Variants in COQ5 observed in about 807,000 individuals in gnomAD.
COQ5 encodes 2-methoxy-6-polyprenyl-1,4-benzoquinol methylase, mitochondrial.
COQ5 carries 27 observed loss-of-function variants against 40.5 expected under a neutral mutation model. That is an observed-to-expected ratio of 0.67 (90% CI 0.49 to 0.92). The LOEUF is 0.92. Among genes scored for constraint, COQ5 ranks in the 40% least tolerant of loss-of-function variants. COQ5 has a pLI of 0.00. For missense variants in COQ5, 409 were observed against 406.4 expected (o/e 1.01, Z -0.06); for synonymous variants, 141 against 150.0 (o/e 0.94, Z 0.44).
At chr12:120,515,710 T>C (rs545538054) in intron 3 of COQ5, among the ~76,000 whole-genome samples, 7 of 152,104 alleles carry the variant, frequency 4.6e-5, no homozygotes, top group African/African-American at 1.7e-4. Context: ...GCCTACCCAA[T>C]AGGGACCTCC....
Position 120,521,128 on chromosome 12 carries a change from C to T in COQ5, c.352+1086G>A, listed in dbSNP as rs139541702. Among the ~76,000 whole-genome samples the T allele has an allele frequency of 3.6e-4, 52 of 143,468 alleles. No individual in the cohort carries two copies. In the South Asian group the frequency reaches 6.5e-3, roughly 18 times the overall value. 94.1% of individuals were successfully genotyped at this position (143,468 alleles called of 152,430 possible). Reference sequence around the variant, plus strand: ...TTGCCCAGGCTGGAGTGTAATGGTACGATCTCAGCTCACTGCAACCCTCCA... The same window carrying T: ...TTGCCCAGGCTGGAGTGTAATGGTATGATCTCAGCTCACTGCAACCCTCCA... On this transcript the variant is annotated intron_variant, in intron 2 of 6. Coordinates refer to ENST00000288532, the MANE Select transcript of COQ5 (RefSeq NM_032314.4).
At chr12:120,504,545 G>A (rs1868793876) in intron 5 of COQ5, 6 of 287,022 alleles carry the variant, frequency 2.1e-5, no homozygotes, top group Non-Finnish European at 2.5e-5. Flanking sequence ...ACTGCACTTG[G>A]CCCAAATTTC....
At position 120,510,134 on chromosome 12, in the gene COQ5, A is replaced by G; in HGVS notation, c.575-11T>C. The G allele has an allele frequency of 1.9e-6, 3 of 1,601,096 alleles. No individual in the cohort carries two copies. The highest frequency in any genetic ancestry group is 2.6e-6 in the Non-Finnish European group (3 of 1,168,176). Reference sequence around the variant, plus strand: ...ATACCCATGCAAGTCCTGAAAGAGAAAGTGAGTTCCGGGTCTCAGTGTGGG... The same window carrying G: ...ATACCCATGCAAGTCCTGAAAGAGAGAGTGAGTTCCGGGTCTCAGTGTGGG... On this transcript the variant is annotated splice_polypyrimidine_tract_variant and intron_variant, in intron 3 of 6. Transcript: ENST00000288532.
At chr12:120,515,328 G>T (rs149635016) in intron 3 of COQ5, among the ~76,000 whole-genome samples, 1 of 151,764 alleles carries the variant, frequency 6.6e-6, no homozygotes, top group Admixed American at 6.6e-5. Flanking sequence ...GGCTTCAAGC[G>T]ATCCTTCACC....
At chr12:120,519,809 G>C (rs1273556640) in intron 2 of COQ5, among the ~76,000 whole-genome samples, 3 of 149,548 alleles carry the variant, frequency 2.0e-5, no homozygotes, top group Non-Finnish European at 3.0e-5. Context: ...GGCAGAGGTT[G>C]CGGTGAGCCG....
chr12:120,518,847 C>G (rs1456679485), intron 2 of COQ5, among the ~76,000 whole-genome samples: 2 of 152,230 alleles, frequency 1.3e-5, no homozygotes, highest in African/African-American at 4.8e-5. Context: ...CAGGCGTGAG[C>G]CAACGTGCTC....
rs1255783517 is a variant in COQ5 at position 120,505,099 on chromosome 12, CTCT to C, written c.682-119_682-117del. 6 of 797,826 alleles carry C rather than the reference CTCT, an allele frequency of 7.5e-6. No homozygotes were observed. In the African/African-American group the frequency reaches 1.0e-4, roughly 14 times the overall value. The allele number at this position is 797,826 out of a possible 1,614,324, so 49.4% of individuals were successfully genotyped here. ...AAAAAAGTTATCATGGCCCACAAAC[CTCT>C]TGTTTGTTCTCACTTGGGAAGCTGT... On this transcript the variant is annotated intron_variant, in intron 4 of 6. Transcript: ENST00000288532.
At chr12:120,506,420 G>A (rs1489360155) in intron 4 of COQ5, among the ~76,000 whole-genome samples, 2 of 151,236 alleles carry the variant, frequency 1.3e-5, no homozygotes, top group African/African-American at 4.9e-5. Context: ...AGTCTGGAGT[G>A]CAGTGGCACG....
At chr12:120,522,502 C>T in intron 1 of COQ5, 139 bp from the exon 2 acceptor site, 1 of 768,072 alleles carries the variant, frequency 1.3e-6, no homozygotes, top group South Asian at 1.5e-5. Context: ...GCTTGATGCC[C>T]AAATCTACAC....
chr12:120,527,581 C>A (rs1870009148), intron 1 of COQ5, among the ~76,000 whole-genome samples: 1 of 152,130 alleles, frequency 6.6e-6, no homozygotes, highest in Non-Finnish European at 1.5e-5. Context: ...GTCTGTACTG[C>A]AATCTCAGTC....
Position 120,516,808 on chromosome 12 carries a change from G to C in COQ5, c.353-20C>G. 6.3e-7 allele frequency: 1 copy of C among 1,597,856 alleles called. No individual in the cohort carries two copies. Among genetic ancestry groups the C allele is most frequent in the Non-Finnish European group, 8.6e-7 (1 of 1,165,270 alleles). On this transcript the variant is annotated intron_variant, in intron 2 of 6. Transcript: ENST00000288532. ...TGTCACCTGTGGGAAGCCAACATGA[G>C]GAAAGATGCAGACTAAAACAAAAAT...
intron 3 of COQ5, among the ~76,000 whole-genome samples, chr12:120,512,982 T>C (rs531113512): frequency 3.4e-4 from 52 of 151,270 alleles, no homozygotes; most frequent in African/African-American, 1.2e-3. Context: ...GTATTTTTAG[T>C]AGAGACAGGG....
chr12:120,507,359 A>G (rs918972984), intron 4 of COQ5, among the ~76,000 whole-genome samples: 11 of 149,834 alleles, frequency 7.3e-5, no homozygotes, highest in Non-Finnish European at 1.5e-5. Context: ...ATCTCAACTC[A>G]CCACAACCTC....
intron 4 of COQ5, among the ~76,000 whole-genome samples, chr12:120,506,190 A>T (rs961961997): frequency 1.3e-5 from 2 of 152,014 alleles, no homozygotes; most frequent in Non-Finnish European, 2.9e-5. Flanking sequence ...ATAGGAAGCC[A>T]TTGTTTTGGA....
intron 2 of COQ5, 59 bp downstream of exon 2, chr12:120,522,155 G>C: frequency 1.9e-6 from 3 of 1,585,518 alleles, no homozygotes; most frequent in Non-Finnish European, 2.6e-6. Flanking sequence ...CATTACAAGA[G>C]AGACTAATTT....
intron 2 of COQ5, among the ~76,000 whole-genome samples, chr12:120,520,475 G>A (rs1295881004): frequency 1.3e-5 from 2 of 152,096 alleles, no homozygotes; most frequent in East Asian, 3.9e-4. Flanking sequence ...ACAGGCGCAT[G>A]CCACCACAAC....
intron 1 of COQ5, among the ~76,000 whole-genome samples, chr12:120,525,971 G>C (rs1218977695): frequency 6.6e-6 from 1 of 151,750 alleles, no homozygotes; most frequent in Admixed American, 6.6e-5. Context: ...AATAGTCCTG[G>C]CTTTGCATGT....
intron 3 of COQ5, 58 bp from the exon 4 acceptor site, chr12:120,510,181 G>T: frequency 7.5e-7 from 1 of 1,338,416 alleles, no homozygotes; most frequent in Non-Finnish European, 1.1e-6. Context: ...CCTGCCCCCA[G>T]TGAATTCATT....
At chr12:120,528,771 T>C (rs1447926671) in intron 1 of COQ5, among the ~76,000 whole-genome samples, 169 bp downstream of exon 1, 3 of 149,292 alleles carry the variant, frequency 2.0e-5, no homozygotes, top group Non-Finnish European at 3.0e-5. Context: ...ACCATTGCAC[T>C]CCAGTGTGGG....
Sources: gnomAD v4.1 joint callset for allele counts (sites outside exome capture counted in the v4.1 genomes callset) on GRCh38, gnomAD v4.1.1 for gene constraint, MANE v1.5 for transcripts, NCBI Gene and HGNC (gene_info 2026-07-23, HGNC 2026-07-21) for gene names.